CDON: variants seen among roughly 807,000 people sequenced by gnomAD.
CDON encodes the protein cell adhesion associated, oncogene regulated, also known as cell adhesion molecule-related/down-regulated by oncogenes.
Under a neutral mutation model 120.9 loss-of-function variants are expected in CDON, and 73 were observed. The ratio of observed to expected loss-of-function variants is 0.60; its 90% CI spans 0.50 to 0.73. CDON has a LOEUF of 0.73. Ranked by LOEUF, CDON falls within the 30% of genes least tolerant of loss-of-function variation. CDON has a pLI of 0.00. For synonymous variants in CDON, 566 were observed against 573.5 expected (o/e 0.99, Z 0.19); for missense variants, 1,470 against 1,587.3 (o/e 0.93, Z 1.26).
chr11:125,998,841 T>C (rs1946861230), intron 11 of CDON, among the ~76,000 whole-genome samples: 1 of 152,172 alleles, frequency 6.6e-6, no homozygotes, highest in Non-Finnish European at 1.5e-5. Context: ...CAATCAAGTT[T>C]CTAGAGCTGG....
intron 15 of CDON, among the ~76,000 whole-genome samples, 197 bp downstream of exon 15, chr11:125,989,440 T>A (rs1591359460): frequency 6.6e-6 from 1 of 152,012 alleles, no homozygotes; most frequent in African/African-American, 2.4e-5. Context: ...GGAGGCTGAG[T>A]CATGAGAATC....
chr11:126,017,226 G>T lies in CDON; in HGVS notation c.790C>A (p.Pro264Thr), dbSNP rs377050469. ...YWLKDGQDIA[P>T]GSNWRRLYSH... ...TACAACCTTCTCCAGTTGCTTCCTG[G>T]TGCAATGTCCTGCCCGTCCTTTAGC... Residue 264 changes from proline to threonine, a missense_variant, in exon 6 of 20, where the codon CCA (proline) becomes ACA (threonine). By Grantham distance (38) the Pro-to-Thr change is conservative. Coordinates refer to ENST00000531738, the MANE Select transcript of CDON (RefSeq NM_001378964.1). The T allele has an allele frequency of 6.2e-7, 1 of 1,613,946 alleles. No individual in the cohort carries two copies. The highest frequency in any genetic ancestry group is 8.5e-7 in the Non-Finnish European group (1 of 1,180,020).
intron 10 of CDON, among the ~76,000 whole-genome samples, chr11:126,002,106 A>C (rs1946963884): frequency 6.6e-6 from 1 of 152,238 alleles, no homozygotes; most frequent in Non-Finnish European, 1.5e-5. Flanking sequence ...GTATGCAAAA[A>C]AATAGGTGAA....
rs1023083086 is a variant in CDON at position 126,034,868 on chromosome 11, T to G, written c.-61-11331A>C. ...TTGGCTTTATGGGAAAAAATAACCG[T>G]TATGGTAACCACAAAACAAATGCTA... is the stretch of plus-strand genomic sequence containing the variant. On this transcript the variant is annotated intron_variant, in intron 1 of 19. Transcript: ENST00000531738. The surrounding 1 kb of genome is among the most constrained non-coding windows in gnomAD (Gnocchi z 4.5). Among the ~76,000 whole-genome samples, 16 of 152,212 alleles carry G rather than the reference T, an allele frequency of 1.1e-4. No individual in the cohort carries two copies. The highest frequency in any genetic ancestry group is 3.9e-4 in the African/African-American group (16 of 41,456).
chr11:125,989,581 A>G, intron 15 of CDON, 56 bp downstream of exon 15: 2 of 1,535,194 alleles, frequency 1.3e-6, no homozygotes, highest in Admixed American at 3.4e-5. Context: ...AGTCAGAAGC[A>G]GTAATCCAGG....
Position 126,005,784 on chromosome 11 carries a change from T to C in CDON, c.1826A>G (p.Asn609Ser), listed in dbSNP as rs756054017. The change falls in exon 9 of 20, where the codon AAT becomes AGT. Residue 609 changes from asparagine (N) to serine (S), a missense_variant. Physicochemically the swap from Asn to Ser is conservative, Grantham distance 46. Transcript: ENST00000531738. Reference protein sequence around the residue: ...RAGKDGGLPINAYFVKYRKLD... With the variant: ...RAGKDGGLPISAYFVKYRKLD... The stretch of plus-strand genomic sequence containing the variant: ...CTTTCGATACTTCACAAAGTAAGCA[T>C]TGATGGGCAGCCCACCATCCTTGCC... The C allele has an allele frequency of 2.7e-4, 438 of 1,613,774 alleles. No individual in the cohort carries two copies. The highest frequency in any genetic ancestry group is 3.5e-4 in the Non-Finnish European group (412 of 1,180,018).
At chr11:125,993,992 C>T (rs892238142) in intron 14 of CDON, among the ~76,000 whole-genome samples, 4 of 152,150 alleles carry the variant, frequency 2.6e-5, no homozygotes, top group African/African-American at 9.7e-5. Flanking sequence ...GATTTTTATA[C>T]TCAGGTCACT....
intron 18 of CDON, among the ~76,000 whole-genome samples, chr11:125,973,923 T>A (rs745747722): frequency 6.6e-5 from 10 of 152,052 alleles, no homozygotes; most frequent in Admixed American, 2.0e-4. Context: ...GAGACAGAGT[T>A]TCGCTCTTGT....
chr11:125,976,415 A>C (rs927478594), intron 18 of CDON, among the ~76,000 whole-genome samples: 1 of 152,182 alleles, frequency 6.6e-6, no homozygotes, highest in Non-Finnish European at 1.5e-5. Context: ...CAGGAAGAAA[A>C]AGAATCTGGT....
chr11:126,007,913 T>G (rs1947172882), intron 8 of CDON, among the ~76,000 whole-genome samples: 2 of 152,192 alleles, frequency 1.3e-5, no homozygotes, highest in African/African-American at 4.8e-5. Flanking sequence ...ATGAAATGGG[T>G]AGAACAGGCA....
chr11:126,009,545 C>T (rs763958660), intron 8 of CDON, among the ~76,000 whole-genome samples: 2 of 152,202 alleles, frequency 1.3e-5, no homozygotes, highest in Non-Finnish European at 2.9e-5. Flanking sequence ...GGCTCTTTAA[C>T]CTGTGGGACC....
intron 8 of CDON, among the ~76,000 whole-genome samples, chr11:126,009,492 G>C (rs1947230871): frequency 6.6e-6 from 1 of 152,190 alleles, no homozygotes; most frequent in South Asian, 2.1e-4. Flanking sequence ...AAGGAGGAAT[G>C]TGGGCTCTGA....
intron 11 of CDON, among the ~76,000 whole-genome samples, chr11:126,000,674 TAAGGTAGCTGAAAC>T (rs1304309809): frequency 6.6e-6 from 1 of 152,210 alleles, no homozygotes; most frequent in Non-Finnish European, 1.5e-5. Flanking sequence ...GTAATCTGCT[TAAGGTAGCTGAAAC>T]GTGCCTCAAA....
intron 18 of CDON, among the ~76,000 whole-genome samples, chr11:125,970,625 G>A (rs1354188090): frequency 6.6e-6 from 1 of 152,152 alleles, no homozygotes; most frequent in African/African-American, 2.4e-5. Context: ...TTCCCTTCTC[G>A]ATATCTGCTC....
intron 14 of CDON, among the ~76,000 whole-genome samples, chr11:125,992,897 G>C (rs1433006395): frequency 6.6e-6 from 1 of 152,168 alleles, no homozygotes; most frequent in East Asian, 1.9e-4. Flanking sequence ...GAATCTTGGA[G>C]TGCAAAAAAG....
At chr11:126,040,780 A>G (rs1446563491) in intron 1 of CDON, among the ~76,000 whole-genome samples, 1 of 129,896 alleles carries the variant, frequency 7.7e-6, no homozygotes, top group African/African-American at 2.9e-5. Context: ...GTGCCACTGC[A>G]CTCCAGCTCG....
At chr11:126,037,959 C>T (rs552398284) in intron 1 of CDON, among the ~76,000 whole-genome samples, 1 of 152,064 alleles carries the variant, frequency 6.6e-6, no homozygotes, top group Non-Finnish European at 1.5e-5. Context: ...ATGGCAGGCT[C>T]CAAAAATGAC....
chr11:126,059,438 A>G (rs1948746033), intron 1 of CDON, among the ~76,000 whole-genome samples: 1 of 152,118 alleles, frequency 6.6e-6, no homozygotes, highest in African/African-American at 2.4e-5. Context: ...AGATCTGCCA[A>G]CATATGGAGT....
At chr11:125,967,425 G>T (rs1267568979) in intron 18 of CDON, among the ~76,000 whole-genome samples, 1 of 152,020 alleles carries the variant, frequency 6.6e-6, no homozygotes, top group Non-Finnish European at 1.5e-5. Context: ...TCTGTGATCT[G>T]TAAGGTCCTT....
Sources: allele counts gnomAD v4.1 joint callset (sites outside exome capture counted in the v4.1 genomes callset), GRCh38; gene constraint gnomAD v4.1.1; non-coding constraint Gnocchi (gnomAD v3.1); transcripts MANE v1.5; gene names NCBI Gene and HGNC (gene_info 2026-07-23, HGNC 2026-07-21).